The following ZNF644 variants were observed in gnomAD, a reference collection of about 807,000 sequenced individuals.
ZNF644 encodes the protein zinc finger motif enhancer binding protein 2.
ZNF644 carries 20 observed loss-of-function variants against 108.0 expected under a neutral mutation model. That is an observed-to-expected ratio of 0.19 (90% CI 0.13 to 0.27). The LOEUF is 0.27. ZNF644 is among the 10% of genes least tolerant of loss of function. The pLI, the probability that ZNF644 is intolerant of heterozygous loss-of-function variation, is 1.00. For missense variants in ZNF644, 1,338 were observed against 1,548.9 expected (o/e 0.86, Z 2.29); for synonymous variants, 542 against 539.1 (o/e 1.01, Z -0.08).
intron 1 of ZNF644, among the ~76,000 whole-genome samples, chr1:91,001,385 A>G (rs1297003797): frequency 2.6e-5 from 4 of 152,152 alleles, no homozygotes; most frequent in Admixed American, 1.3e-4. Context: ...TTCAACGTAC[A>G]CAAATCAATA....
At chr1:90,923,440 G>A (rs1570336147) in intron 4 of ZNF644, among the ~76,000 whole-genome samples, 1 of 152,186 alleles carries the variant, frequency 6.6e-6, no homozygotes. Flanking sequence ...ATCAACATCA[G>A]TTCTTTGCTC....
At position 90,939,688 on chromosome 1, in the gene ZNF644, T is replaced by C. The variant is rs17131242; in HGVS notation, c.1666A>G (p.Met556Val). ...IAHGAVVKCP[M>V]VTSDIAQRKT... ...CTCTGGGCAATATCAGAAGTGACCATAGGGCATTTTACCACTGCCCCATGT... is the reference window on the plus strand; with the variant it reads ...CTCTGGGCAATATCAGAAGTGACCACAGGGCATTTTACCACTGCCCCATGT... The change falls in exon 3 of 6, where the codon ATG becomes GTG. Residue 556 changes from methionine (M) to valine (V), a missense_variant. Physicochemically the swap from Met to Val is conservative, Grantham distance 21 (BLOSUM62 1). Around this residue, in one of 6 missense-constraint regions of ZNF644, gnomAD observed 462 missense variants for 472.6 expected, o/e 0.98. Transcript: ENST00000337393. The C allele has an allele frequency of 2.4e-3, 3,908 of 1,614,022 alleles. 84 individuals are homozygous for C. In the African/African-American group the frequency reaches 0.045, roughly 19 times the overall value.
At chr1:91,010,963 C>T (rs1557662837) in intron 1 of ZNF644, among the ~76,000 whole-genome samples, 1 of 152,130 alleles carries the variant, frequency 6.6e-6, no homozygotes, top group Non-Finnish European at 1.5e-5. Flanking sequence ...ACATAGAACA[C>T]AAACTTGAGT....
intron 2 of ZNF644, among the ~76,000 whole-genome samples, chr1:90,954,179 T>C (rs1218460005): frequency 6.6e-6 from 1 of 152,210 alleles, no homozygotes; most frequent in Non-Finnish European, 1.5e-5. Flanking sequence ...TGATAGCATC[T>C]TACCCACAGT....
intron 2 of ZNF644, among the ~76,000 whole-genome samples, chr1:90,965,140 T>C (rs779286819): frequency 1.3e-5 from 2 of 152,234 alleles, no homozygotes; most frequent in Non-Finnish European, 2.9e-5. Context: ...ACTGGATCTG[T>C]ATAGCTAGAA....
Position 90,937,359 on chromosome 1 carries a change from GT to G in ZNF644, c.3688+125del. The G allele has an allele frequency of 2.5e-6, 3 of 1,216,518 alleles. No homozygotes were observed. The South Asian group carries it at 4.0e-5, about 16-fold the overall frequency. 75.4% of individuals were successfully genotyped at this position (1,216,518 alleles called of 1,614,324 possible). A position where few individuals can be genotyped will look rare whatever the true frequency, so the allele number is the denominator to read the frequency against. ...CAGTAGAATAACCAATCTGTGCTCT[GT>G]AAAAAAAAAAAGCAGCTTAAACAGG... On this transcript the variant is annotated intron_variant, in intron 4 of 5. Transcript: ENST00000337393.
At chr1:90,928,402 C>A (rs1245696427) in intron 4 of ZNF644, among the ~76,000 whole-genome samples, 2 of 150,130 alleles carry the variant, frequency 1.3e-5, no homozygotes, top group Non-Finnish European at 3.0e-5. Flanking sequence ...ACTGCAACCT[C>A]CAGCTTCTGG....
intron 1 of ZNF644, 120 bp downstream of exon 1, chr1:91,021,870 A>G (rs1371451802): frequency 2.5e-6 from 1 of 398,034 alleles, no homozygotes; most frequent in Non-Finnish European, 4.4e-6. Context: ...CGGGCCCGAG[A>G]GCCGGAGGCC....
At chr1:91,013,705 T>C (rs1253522822) in intron 1 of ZNF644, among the ~76,000 whole-genome samples, 6 of 152,192 alleles carry the variant, frequency 3.9e-5, no homozygotes, top group African/African-American at 1.4e-4. Flanking sequence ...CTATCTGTAA[T>C]TGCACTGTCC....
intron 4 of ZNF644, 115 bp downstream of exon 4, chr1:90,937,370 A>C: frequency 6.8e-7 from 1 of 1,466,726 alleles, no homozygotes; most frequent in South Asian, 1.2e-5. Context: ...TAAAAAAAAA[A>C]AGCAGCTTAA....
At chr1:91,001,799 C>T (rs1340022438) in intron 1 of ZNF644, among the ~76,000 whole-genome samples, 1 of 152,182 alleles carries the variant, frequency 6.6e-6, no homozygotes, top group Non-Finnish European at 1.5e-5. Context: ...ATCGTCTCTG[C>T]CCAAAATCTC....
intron 4 of ZNF644, among the ~76,000 whole-genome samples, chr1:90,926,753 C>T (rs181586568): frequency 1.2e-4 from 18 of 152,240 alleles, no homozygotes; most frequent in Non-Finnish European, 2.5e-4. Context: ...CATAATATTA[C>T]CCATACATCT....
At chr1:90,935,329 T>C (rs757011493) in intron 4 of ZNF644, 80 of 979,768 alleles carry the variant, frequency 8.2e-5, no homozygotes, top group Admixed American at 2.5e-4. Context: ...AAATATGATC[T>C]GAATTAACAC....
intron 2 of ZNF644, among the ~76,000 whole-genome samples, chr1:90,981,121 A>G (rs1347166672): frequency 6.6e-6 from 1 of 152,126 alleles, no homozygotes; most frequent in East Asian, 1.9e-4. Flanking sequence ...ACAAACCCTA[A>G]TAAGACCTTC....
chr1:90,934,564 T>A (rs1651115903), intron 4 of ZNF644, among the ~76,000 whole-genome samples: 1 of 152,192 alleles, frequency 6.6e-6, no homozygotes, highest in African/African-American at 2.4e-5. Context: ...TTTTGTAGGT[T>A]ATAAGAAGCG....
intron 4 of ZNF644, among the ~76,000 whole-genome samples, chr1:90,936,936 C>G (rs1055929207): frequency 6.6e-6 from 1 of 152,078 alleles, no homozygotes; most frequent in Non-Finnish European, 1.5e-5. Context: ...CAAACTATTC[C>G]GCAATACAAT....
At chr1:90,958,232 T>TAAAAAAAAAAAAAA (rs777224217) in intron 2 of ZNF644, among the ~76,000 whole-genome samples, 2 of 41,388 alleles carry the variant, frequency 4.8e-5, no homozygotes, top group Admixed American at 2.8e-4. Context: ...GCAAAACTCC[T>TAAAAAAAAAAAAAA]AAAAAAAAAA....
chr1:90,979,205 C>T (rs1040622252), intron 2 of ZNF644, among the ~76,000 whole-genome samples: 1 of 152,190 alleles, frequency 6.6e-6, no homozygotes, highest in Non-Finnish European at 1.5e-5. Context: ...GGTGCAGTGG[C>T]TCACACCTGT....
At chr1:91,014,444 T>G (rs1021300962) in intron 1 of ZNF644, among the ~76,000 whole-genome samples, 1 of 152,140 alleles carries the variant, frequency 6.6e-6, no homozygotes, top group Non-Finnish European at 1.5e-5. Flanking sequence ...TGTTCAAATA[T>G]TAAAAAAAAG....
Sources: gnomAD v4.1 joint callset for allele counts (sites outside exome capture counted in the v4.1 genomes callset) on GRCh38, gnomAD v4.1.1 for gene constraint, gnomAD v4.1.1 regional missense constraint, MANE v1.5 for transcripts, NCBI Gene and HGNC (gene_info 2026-07-23, HGNC 2026-07-21) for gene names.